MYO1D: variants seen among roughly 807,000 people sequenced by gnomAD.
The protein encoded by MYO1D is myosin ID, also known as unconventional myosin-Id.
MYO1D carries 83 observed loss-of-function variants against 122.0 expected under a neutral mutation model. The ratio of observed to expected loss-of-function variants is 0.68; its 90% CI spans 0.57 to 0.82. The LOEUF (loss-of-function observed/expected upper bound fraction) is 0.82, where lower values mean the gene tolerates loss of function less well. MYO1D is among the 40% of genes least tolerant of loss of function. The probability of loss-of-function intolerance (pLI) is 0.00; values close to 1 mark genes in which losing one functional copy is unlikely to be tolerated. For missense variants in MYO1D, 1,157 were observed against 1,269.5 expected (o/e 0.91, Z 1.35); for synonymous variants, 464 against 446.9 (o/e 1.04, Z -0.48).
chr17:32,754,467 G>T (rs1410845373), intron 11 of MYO1D, among the ~76,000 whole-genome samples: 1 of 152,186 alleles, frequency 6.6e-6, no homozygotes, highest in Admixed American at 6.5e-5. Context: ...AGACCAAGGA[G>T]AATATTTTAG....
At position 32,494,482 on chromosome 17, in the gene MYO1D, C is replaced by T; in HGVS notation, c.*277G>A. 1 of 446,468 alleles carries T rather than the reference C, an allele frequency of 2.2e-6. No homozygotes were observed. Among genetic ancestry groups the T allele is most frequent in the Non-Finnish European group, 4.0e-6 (1 of 248,128 alleles). 27.7% of individuals were successfully genotyped at this position (446,468 alleles called of 1,614,324 possible). On this transcript the variant is annotated 3_prime_UTR_variant, in exon 22 of 22. Transcript: ENST00000318217. ...ATCCGCACCAACTAAAGGCACCATC[C>T]AGTTGCCTCTGGGGTGAGATTGGTC...
chr17:32,710,932 T>C (rs1020438909), intron 16 of MYO1D, among the ~76,000 whole-genome samples: 1 of 152,222 alleles, frequency 6.6e-6, no homozygotes, highest in African/African-American at 2.4e-5. Flanking sequence ...GGTAGGGATA[T>C]GGCACATAGT....
At chr17:32,640,627 C>T (rs963248728) in intron 19 of MYO1D, among the ~76,000 whole-genome samples, 3 of 150,792 alleles carry the variant, frequency 2.0e-5, no homozygotes, top group African/African-American at 7.3e-5. Context: ...TTTCCAATTT[C>T]ATCCATGTCC....
At position 32,812,800 on chromosome 17, in the gene MYO1D, G is replaced by T. The variant is rs555016134; in HGVS notation, c.96-32016C>A. 5.9e-5 allele frequency among the ~76,000 whole-genome samples: 9 copies of T among 152,256 alleles called. No individual in the cohort carries two copies. The South Asian group carries it at 1.9e-3, about 32-fold the overall frequency. On this transcript the variant is annotated intron_variant, in intron 1 of 21. Coordinates refer to ENST00000318217, the MANE Select transcript of MYO1D (RefSeq NM_015194.3). ...CATTCAGCTTCCTTGCCTTAACAAAGCACTAAGTCACTTACAAATAGGAAA... is the reference window on the plus strand; with the variant it reads ...CATTCAGCTTCCTTGCCTTAACAAATCACTAAGTCACTTACAAATAGGAAA...
chr17:32,633,193 C>G (rs1231423596), intron 20 of MYO1D, among the ~76,000 whole-genome samples: 1 of 150,692 alleles, frequency 6.6e-6, no homozygotes, highest in Non-Finnish European at 1.5e-5. Context: ...AGTTAAGCCC[C>G]CAACTAAAAA....
At chr17:32,551,585 C>T (rs1025798214) in intron 21 of MYO1D, among the ~76,000 whole-genome samples, 46 of 149,668 alleles carry the variant, frequency 3.1e-4, no homozygotes, top group Admixed American at 6.7e-4. Context: ...CACACACACA[C>T]GCATCCAGGT....
intron 20 of MYO1D, among the ~76,000 whole-genome samples, chr17:32,623,396 G>A (rs1294807803): frequency 6.8e-6 from 1 of 146,914 alleles, no homozygotes; most frequent in East Asian, 1.9e-4. Flanking sequence ...TACAGTCCAG[G>A]ACCAGTATAG....
intron 20 of MYO1D, among the ~76,000 whole-genome samples, chr17:32,636,213 C>A (rs907399051): frequency 6.6e-6 from 1 of 152,142 alleles, no homozygotes; most frequent in Non-Finnish European, 1.5e-5. Flanking sequence ...AGACTTCCAA[C>A]TATCTATGGA....
intron 20 of MYO1D, among the ~76,000 whole-genome samples, chr17:32,633,508 C>T (rs941853400): frequency 6.6e-6 from 1 of 151,956 alleles, no homozygotes; most frequent in Admixed American, 6.6e-5. Flanking sequence ...CCTCCTCTTA[C>T]CCCCTTCATA....
chr17:32,642,432 A>G (rs982544771), intron 19 of MYO1D, among the ~76,000 whole-genome samples: 6 of 152,158 alleles, frequency 3.9e-5, no homozygotes, highest in African/African-American at 1.4e-4. Flanking sequence ...TTGGTTCCAT[A>G]TGAACTTTAC....
rs1157553947 is a variant in MYO1D at position 32,712,128 on chromosome 17, T to G, written c.1981A>C (p.Lys661Gln). The change falls in exon 16 of 22, where the codon AAA becomes CAA. Residue 661 changes from lysine (K) to glutamine (Q), a missense_variant. Coordinates refer to ENST00000318217, the MANE Select transcript of MYO1D (RefSeq NM_015194.3). ...TGAAAACCACACCGTTCAATTAGTT[T>G]CTTGACAGCCTCTTTGTCTGAAGGA... ...DLPSDKEAVK[K>Q]LIERCGFQDD... 1 of 1,614,154 alleles carries G rather than the reference T, an allele frequency of 6.2e-7. No homozygotes were observed. The highest frequency in any genetic ancestry group is 1.1e-5 in the South Asian group (1 of 91,086).
intron 15 of MYO1D, among the ~76,000 whole-genome samples, chr17:32,715,184 A>T (rs1352459207): frequency 6.6e-6 from 1 of 152,232 alleles, no homozygotes; most frequent in Non-Finnish European, 1.5e-5. Flanking sequence ...AAGGTTGCAG[A>T]GAAACAGGAA....
At chr17:32,771,281 A>G in intron 5 of MYO1D, 61 bp from the exon 6 acceptor site, 1 of 1,148,926 alleles carries the variant, frequency 8.7e-7, no homozygotes, top group Non-Finnish European at 1.3e-6. Context: ...ACATGAACTT[A>G]GTGGTAATCT....
chr17:32,817,286 GAT>G (rs2090620259), intron 1 of MYO1D, among the ~76,000 whole-genome samples: 2 of 152,222 alleles, frequency 1.3e-5, no homozygotes, highest in Middle Eastern at 3.4e-3. Flanking sequence ...TTTCTAAAAA[GAT>G]ATGAAGACTG....
rs200223312 is a variant in MYO1D at position 32,528,481 on chromosome 17, CG to C, written c.2865-33567del. ...TATGTGTGTGTGTGTGTATGTGTGT[CG>C]GGGGAATTACTGGGAAGGGTAGTGT... On this transcript the variant is annotated intron_variant, in intron 21 of 21. Transcript: ENST00000318217. Among the ~76,000 whole-genome samples the C allele has an allele frequency of 9.2e-3, 1,398 of 151,648 alleles. 6 individuals carry two copies. Among genetic ancestry groups the C allele is most frequent in the East Asian group, 0.042 (215 of 5,170 alleles).
Position 32,492,919 on chromosome 17 carries a change from CAAG to C in MYO1D, c.*1837_*1839del, listed in dbSNP as rs1908936633. On this transcript the variant is annotated 3_prime_UTR_variant, in exon 22 of 22. Transcript: ENST00000318217. ...GCCCTGGCGCTGGGGCTAAGGGGCCCAAGGCACCATCCAAAGGCTGGGAGGAAA... is the reference window on the plus strand; with the variant it reads ...GCCCTGGCGCTGGGGCTAAGGGGCCCGCACCATCCAAAGGCTGGGAGGAAA... The C allele has an allele frequency of 6.6e-6, 1 of 152,586 alleles. No homozygotes were observed. The highest frequency in any genetic ancestry group is 2.4e-5 in the African/African-American group (1 of 41,438). 9.5% of individuals were successfully genotyped at this position (152,586 alleles called of 1,614,324 possible). A position where few individuals can be genotyped will look rare whatever the true frequency, so the allele number is the denominator to read the frequency against.
intron 11 of MYO1D, among the ~76,000 whole-genome samples, chr17:32,754,850 T>G (rs931311055): frequency 6.7e-6 from 1 of 150,312 alleles, no homozygotes; most frequent in Non-Finnish European, 1.5e-5. Flanking sequence ...GAATATTCCA[T>G]GCAAATGATA....
At chr17:32,506,347 G>A (rs963858237) in intron 21 of MYO1D, among the ~76,000 whole-genome samples, 82 of 152,182 alleles carry the variant, frequency 5.4e-4, no homozygotes, top group African/African-American at 1.7e-3. Flanking sequence ...GTGGGGTGGT[G>A]GTCCCAGGAA....
chr17:32,775,889 T>C lies in MYO1D; in HGVS notation c.539A>G (p.His180Arg). ...CTTTTCTAGTAAGTAGTTATTGATA[T>C]GCCCACCAATAGGGTCACCCTTGAA... ...FDFKGDPIGG[H>R]INNYLLEKSR... is the part of the protein sequence containing the mutation. The change falls in exon 4 of 22, where the codon CAT becomes CGT. Residue 180 changes from histidine (H) to arginine (R), a missense_variant. Transcript: ENST00000318217. 2 of 1,612,742 alleles carry C rather than the reference T, an allele frequency of 1.2e-6. No homozygotes were observed. Among genetic ancestry groups the C allele is most frequent in the Non-Finnish European group, 8.5e-7 (1 of 1,179,298 alleles).
Sources: allele counts gnomAD v4.1 joint callset (sites outside exome capture counted in the v4.1 genomes callset), GRCh38; gene constraint gnomAD v4.1.1; transcripts MANE v1.5; gene names NCBI Gene and HGNC (gene_info 2026-07-23, HGNC 2026-07-21).